The following INPP4B variants were observed in gnomAD, a reference collection of about 807,000 sequenced individuals.
INPP4B encodes the protein inositol polyphosphate 4-phosphatase type II.
In INPP4B, 55 loss-of-function variants were observed where a neutral mutation model predicts 122.5. The ratio of observed to expected loss-of-function variants is 0.45; its 90% CI spans 0.36 to 0.56. The LOEUF is 0.56. INPP4B is among the 20% of genes least tolerant of loss of function. The pLI is 0.00. For synonymous variants in INPP4B, 403 were observed against 388.7 expected, an observed-to-expected ratio of 1.04 and a Z score of -0.43; for missense variants, 1,000 against 1,097.7, an observed-to-expected ratio of 0.91 and a Z score of 1.26.
At chr4:142,673,912 T>C (rs1414471086) in intron 2 of INPP4B, among the ~76,000 whole-genome samples, 6 of 152,126 alleles carry the variant, frequency 3.9e-5, no homozygotes, top group African/African-American at 1.4e-4. Context: ...AGGTTACCGT[T>C]TCAGGCCCCA....
At chr4:142,310,369 G>A (rs911906256) in intron 8 of INPP4B, among the ~76,000 whole-genome samples, 4 of 151,490 alleles carry the variant, frequency 2.6e-5, no homozygotes, top group African/African-American at 9.7e-5. Context: ...CATATACTGG[G>A]TTAAATAAAA....
intron 2 of INPP4B, among the ~76,000 whole-genome samples, chr4:142,646,799 T>C (rs1751884106): frequency 6.6e-6 from 1 of 152,112 alleles, no homozygotes; most frequent in Non-Finnish European, 1.5e-5. Context: ...CAGGACAGAG[T>C]GCTCCAGGAA....
chr4:142,812,370 C>T (rs1561097966), intron 1 of INPP4B, among the ~76,000 whole-genome samples: 1 of 152,178 alleles, frequency 6.6e-6, no homozygotes, highest in South Asian at 2.1e-4. Flanking sequence ...TTTTCTGGCT[C>T]TGTATGTCAT....
chr4:142,828,099 A>G (rs1322532923), intron 1 of INPP4B, among the ~76,000 whole-genome samples: 1 of 152,158 alleles, frequency 6.6e-6, no homozygotes, highest in Non-Finnish European at 1.5e-5. Flanking sequence ...GATTTCAGAC[A>G]AATTGCCATA....
intron 1 of INPP4B, among the ~76,000 whole-genome samples, chr4:142,806,050 C>G (rs1377443252): frequency 6.6e-6 from 1 of 151,614 alleles, no homozygotes; most frequent in Admixed American, 6.6e-5. Flanking sequence ...GAGGCCTAGG[C>G]GGGCGGATCA....
intron 11 of INPP4B, among the ~76,000 whole-genome samples, chr4:142,246,625 G>A (rs1202094562): frequency 6.6e-6 from 1 of 152,154 alleles, no homozygotes; most frequent in Non-Finnish European, 1.5e-5. Context: ...AGGAATGCCT[G>A]TGATTTTTGA....
At chr4:142,336,676 A>C (rs1311535600) in intron 7 of INPP4B, among the ~76,000 whole-genome samples, 1 of 152,232 alleles carries the variant, frequency 6.6e-6, no homozygotes, top group African/African-American at 2.4e-5. Flanking sequence ...GCTGGTGCCC[A>C]AGGCGGAAGC....
intron 9 of INPP4B, among the ~76,000 whole-genome samples, chr4:142,304,101 C>T (rs1352109951): frequency 6.6e-6 from 1 of 152,062 alleles, no homozygotes; most frequent in Non-Finnish European, 1.5e-5. Context: ...ATCTAGAAAA[C>T]ATGTGGACTG....
intron 1 of INPP4B, among the ~76,000 whole-genome samples, chr4:142,788,395 G>T (rs1442646891): frequency 6.6e-6 from 1 of 152,130 alleles, no homozygotes; most frequent in Non-Finnish European, 1.5e-5. Context: ...TATAAGAAAC[G>T]TTCTGCCATG....
rs555767472 is a variant in INPP4B, at chr4:142,718,643, G to A, written c.-191+7196C>T. The stretch of plus-strand genomic sequence containing the variant: ...AGGGCCACGAGCAAGTGCTATTCAT[G>A]AATGAAAGGTACAGCATTAGCTTGA... On this transcript the variant is annotated intron_variant, in intron 2 of 25. Transcript: ENST00000262992. Among the ~76,000 whole-genome samples the A allele has an allele frequency of 4.5e-4, 69 of 152,296 alleles. 1 individual carries two copies. The highest frequency in any genetic ancestry group is 1.6e-3 in the African/African-American group (68 of 41,580).
chr4:142,219,501 T>C (rs1486078573), intron 12 of INPP4B, among the ~76,000 whole-genome samples: 1 of 152,228 alleles, frequency 6.6e-6, no homozygotes, highest in Non-Finnish European at 1.5e-5. Context: ...TAAAGCTTAG[T>C]GCTCCACTTA....
intron 7 of INPP4B, among the ~76,000 whole-genome samples, chr4:142,326,686 A>G (rs1229797660): frequency 1.3e-5 from 2 of 152,238 alleles, no homozygotes. Context: ...GGATGGTGAT[A>G]GGCTACCCTA....
chr4:142,658,098 GGTTAT>G (rs1363638965), intron 2 of INPP4B, among the ~76,000 whole-genome samples: 5 of 152,118 alleles, frequency 3.3e-5, no homozygotes, highest in South Asian at 4.1e-4. Flanking sequence ...TCATAATTAA[GGTTAT>G]GTTAAGTTAT....
At chr4:142,554,865 A>T (rs1479805443) in intron 2 of INPP4B, among the ~76,000 whole-genome samples, 2 of 152,216 alleles carry the variant, frequency 1.3e-5, no homozygotes, top group Non-Finnish European at 2.9e-5. Context: ...GATGCATTAA[A>T]CATACCATGT....
intron 18 of INPP4B, among the ~76,000 whole-genome samples, chr4:142,144,745 C>T (rs950484349): frequency 2.0e-5 from 3 of 151,936 alleles, no homozygotes; most frequent in Non-Finnish European, 2.9e-5. Context: ...CTTTAGAAAG[C>T]CATAGCTTAC....
chr4:142,306,220 C>T (rs1763288412), intron 8 of INPP4B, among the ~76,000 whole-genome samples: 1 of 128,552 alleles, frequency 7.8e-6, no homozygotes, highest in Non-Finnish European at 1.6e-5. Flanking sequence ...AAGAATAAAA[C>T]TCCAAATTGT....
chr4:142,449,700 A>C (rs906824930), intron 3 of INPP4B, among the ~76,000 whole-genome samples: 3 of 143,326 alleles, frequency 2.1e-5, no homozygotes, highest in African/African-American at 8.2e-5. Context: ...CTCTGTCCCA[A>C]AAAAAAAAAA....
intron 1 of INPP4B, among the ~76,000 whole-genome samples, chr4:142,782,641 C>T (rs2151032828): frequency 6.6e-6 from 1 of 151,928 alleles, no homozygotes; most frequent in South Asian, 2.1e-4. Context: ...CTCTCCAGCA[C>T]CTGTTGTTTC....
At chr4:142,090,997 A>T (rs1309239799) in intron 23 of INPP4B, among the ~76,000 whole-genome samples, 1 of 152,202 alleles carries the variant, frequency 6.6e-6, no homozygotes, top group Admixed American at 6.5e-5. Context: ...AAACTGTACC[A>T]TATTTTTATG....
Sources: gnomAD v4.1 joint callset for allele counts (sites outside exome capture counted in the v4.1 genomes callset) on GRCh38, gnomAD v4.1.1 for gene constraint, MANE v1.5 for transcripts, NCBI Gene and HGNC (gene_info 2026-07-23, HGNC 2026-07-21) for gene names.